Variants in SBNO2 observed in about 807,000 individuals in gnomAD.
SBNO2 encodes strawberry notch homolog 2, also known as protein strawberry notch homolog 2.
SBNO2 carries 89 observed loss-of-function variants against 146.3 expected under a neutral mutation model. The ratio of observed to expected loss-of-function variants is 0.61; its 90% confidence interval spans 0.51 to 0.73. The LOEUF is 0.73. Ranked by LOEUF, SBNO2 falls within the 30% of genes least tolerant of loss-of-function variation. SBNO2 has a pLI of 0.00. For missense variants in SBNO2, 2,092 were observed against 2,003.7 expected (o/e 1.04, Z -0.84); for synonymous variants, 1,147 against 892.6 (o/e 1.29, Z -5.08).
intron 2 of SBNO2, among the ~76,000 whole-genome samples, chr19:1,152,464 T>G (rs1390143645): frequency 6.6e-6 from 1 of 152,042 alleles, no homozygotes; most frequent in Non-Finnish European, 1.5e-5. Flanking sequence ...ATGGAGCTGT[T>G]CCGGTGGGGA....
rs1395161039 is a variant in SBNO2 at position 1,117,194 on chromosome 19, C to T, written c.1704+129G>A. On this transcript the variant is annotated intron_variant, in intron 15 of 31. Coordinates refer to ENST00000361757, the MANE Select transcript of SBNO2 (RefSeq NM_014963.3). ...TCTGATTGGAAGACGGACATCCGGGCGTCTCTCACCCACCAGGGTGCAGCC... is the reference window on the plus strand; with the variant it reads ...TCTGATTGGAAGACGGACATCCGGGTGTCTCTCACCCACCAGGGTGCAGCC... The T allele has an allele frequency of 6.3e-6, 6 of 953,884 alleles. No homozygotes were observed. In the East Asian group the frequency reaches 1.1e-4, roughly 17 times the overall value. The allele number at this position is 953,884 out of a possible 1,614,324, so 59.1% of individuals were successfully genotyped here.
chr19:1,169,366 C>T (rs1407606461), intron 1 of SBNO2, among the ~76,000 whole-genome samples: 16 of 152,240 alleles, frequency 1.1e-4, no homozygotes, highest in Admixed American at 7.8e-4. Context: ...TGGGACTGAG[C>T]TTCAGGGCCA....
Position 1,110,726 on chromosome 19 carries a change from C to A in SBNO2, c.3028+19G>T. On this transcript the variant is annotated intron_variant, in intron 26 of 31. Transcript: ENST00000361757. The surrounding 1 kb of genome is among the most constrained non-coding windows in gnomAD (Gnocchi z 4.9). ...CGCACCCACACCCACCCACACCACA[C>A]CCCGGCACCTGTGCTCACCCAGGAT... 6.2e-7 allele frequency: 1 copy of A among 1,612,860 alleles called. No homozygotes were observed. Among genetic ancestry groups the A allele is most frequent in the Non-Finnish European group, 8.5e-7 (1 of 1,179,364 alleles).
Position 1,112,499 on chromosome 19 carries a change from G to A in SBNO2, c.2418C>T (p.Val806=). The change falls in exon 21 of 32, where the codon GTC becomes GTT. Residue 806 remains valine, a synonymous_variant. Coordinates refer to ENST00000361757, the MANE Select transcript of SBNO2 (RefSeq NM_014963.3). This position sits in a 1 kb window ranked among gnomAD's most constrained non-coding sequence, Gnocchi z 5.9. Reference sequence around the variant, plus strand: ...GGACACGGCGGTCGGCTTGGAGGGAGACACCCGAGCTGGAGGCCTCCGAGA... The same window carrying A: ...GGACACGGCGGTCGGCTTGGAGGGAAACACCCGAGCTGGAGGCCTCCGAGA... ...AIISEASSSG[V]SLQADRRVQN... is the part of the protein sequence containing the mutation. The A allele has an allele frequency of 4.4e-6, 7 of 1,605,912 alleles. No homozygotes were observed. The highest frequency in any genetic ancestry group is 2.7e-5 in the African/African-American group (2 of 74,954).
chr19:1,147,481 ACACCTG>A lies in SBNO2; in HGVS notation c.168-67_168-62del, dbSNP rs1432395119. 3.2e-5 allele frequency: 30 copies of A among 948,574 alleles called. No homozygotes were observed. In the African/African-American group the frequency reaches 5.2e-4, roughly 17 times the overall value. 58.8% of individuals were successfully genotyped at this position (948,574 alleles called of 1,614,324 possible). A position where few individuals can be genotyped will look rare whatever the true frequency, so the allele number is the denominator to read the frequency against. Reference sequence around the variant, plus strand: ...GTGCTCAACCCACTCCCTCAGTAACACACCTGCACCCCCATGGCCGCAGCCAGAGGC... The same window carrying A: ...GTGCTCAACCCACTCCCTCAGTAACACACCCCCATGGCCGCAGCCAGAGGC... On this transcript the variant is annotated intron_variant, in intron 3 of 31. Transcript: ENST00000361757.
intron 4 of SBNO2, chr19:1,132,023 G>A: frequency 7.7e-7 from 1 of 1,291,494 alleles, no homozygotes; most frequent in Non-Finnish European, 1.0e-6. Flanking sequence ...CGGCCGTCCT[G>A]AATGGGGTCC....
intron 1 of SBNO2, 49 bp from the exon 2 acceptor site, chr19:1,154,451 T>C (rs1435929171): frequency 2.6e-6 from 1 of 389,192 alleles, no homozygotes; most frequent in African/African-American, 2.1e-5. Flanking sequence ...TGGTGGAGAG[T>C]GGTGCTCCCC....
At chr19:1,119,331 G>C (rs115384821) in intron 13 of SBNO2, among the ~76,000 whole-genome samples, 167 bp from the exon 14 acceptor site, 2,031 of 152,326 alleles carry the variant, frequency 0.013, 50 homozygotes, top group African/African-American at 0.045. Flanking sequence ...GGGCAGGAAG[G>C]GCTGCGGAGG....
In SBNO2 at chr19:1,158,798, C is replaced by T. The variant is rs963663021; in HGVS notation, c.-126-4396G>A. ...AGCAGGCCCCCGGGTGTCCCGGGAA[C>T]CCCGCACAGAGCCACGGCCATAAGA... On this transcript the variant is annotated intron_variant, in intron 1 of 31. Transcript: ENST00000361757. This position sits in a 1 kb window ranked among gnomAD's most constrained non-coding sequence, Gnocchi z 9.9. Among the ~76,000 whole-genome samples, 1 of 152,142 alleles carries T rather than the reference C, an allele frequency of 6.6e-6. No homozygotes were observed. The highest frequency in any genetic ancestry group is 1.5e-5 in the Non-Finnish European group (1 of 68,012).
intron 4 of SBNO2, among the ~76,000 whole-genome samples, chr19:1,142,315 T>A (rs1335560660): frequency 1.2e-5 from 1 of 86,776 alleles, no homozygotes. Context: ...CCCCAGGCCG[T>A]GAAGGCTCTC....
At chr19:1,119,823 G>T in intron 12 of SBNO2, 83 bp downstream of exon 12, 1 of 1,111,896 alleles carries the variant, frequency 9.0e-7, no homozygotes, top group South Asian at 1.3e-5. Flanking sequence ...GGCTGAGTAC[G>T]CGTGTGGGAT....
Position 1,112,080 on chromosome 19 carries a change from G to T in SBNO2, c.2629-13C>A. ...GGGTCAGGGCCCCCTGCCAGGGGTGGGGAGGCCATCAGTTGGTCACCTGGG... is the reference window on the plus strand; with the variant it reads ...GGGTCAGGGCCCCCTGCCAGGGGTGTGGAGGCCATCAGTTGGTCACCTGGG... On this transcript the variant is annotated splice_polypyrimidine_tract_variant and intron_variant, in intron 22 of 31. Coordinates refer to ENST00000361757, the MANE Select transcript of SBNO2 (RefSeq NM_014963.3). The surrounding 1 kb of genome is among the most constrained non-coding windows in gnomAD (Gnocchi z 5.9). The T allele has an allele frequency of 6.2e-7, 1 of 1,612,194 alleles. No individual in the cohort carries two copies.
chr19:1,119,141 A>G lies in SBNO2; in HGVS notation c.1397T>C (p.Val466Ala), dbSNP rs1339179338. Residue 466 changes from valine (V) to alanine (A), a missense_variant, in exon 14 of 32, where the codon GTG becomes GCG. Coordinates refer to ENST00000361757, the MANE Select transcript of SBNO2 (RefSeq NM_014963.3). ...EKRGVGAMEI[V>A]AMDMKVSGMY... Reference sequence around the variant, plus strand: ...GCCGCTGACCTTCATGTCCATGGCCACGATCTCCATGGCGCCAACGCCCCT... The same window carrying G: ...GCCGCTGACCTTCATGTCCATGGCCGCGATCTCCATGGCGCCAACGCCCCT... The G allele has an allele frequency of 6.2e-7, 1 of 1,602,690 alleles. No individual in the cohort carries two copies. Among genetic ancestry groups the G allele is most frequent in the African/African-American group, 1.3e-5 (1 of 74,718 alleles).
intron 4 of SBNO2, among the ~76,000 whole-genome samples, chr19:1,146,229 G>A (rs1169274061): frequency 1.3e-5 from 2 of 152,068 alleles, no homozygotes; most frequent in Non-Finnish European, 2.9e-5. Context: ...GACTCTACTG[G>A]GGAGGCGGAC....
chr19:1,108,004 CAG>C lies in SBNO2; in HGVS notation c.*214_*215del, dbSNP rs1237895205. 2 of 374,974 alleles carry C rather than the reference CAG, an allele frequency of 5.3e-6. No homozygotes were observed. The highest frequency in any genetic ancestry group is 7.9e-4 in the Middle Eastern group (1 of 1,272). 23.2% of individuals were successfully genotyped at this position (374,974 alleles called of 1,614,324 possible). ...CCCTTCCTACTTGGGAGGAGAGGCA[CAG>C]AGAGGGCCCTGCCACGCCCCGGCCC... On this transcript the variant is annotated 3_prime_UTR_variant, in exon 32 of 32. Transcript: ENST00000361757.
intron 4 of SBNO2, 51 bp from the exon 5 acceptor site, chr19:1,127,816 C>G: frequency 6.4e-7 from 1 of 1,572,096 alleles, no homozygotes; most frequent in Non-Finnish European, 8.7e-7. Context: ...ACACCAAGGC[C>G]CCTCCACGCA....
At chr19:1,172,357 A>G (rs900763081) in intron 1 of SBNO2, among the ~76,000 whole-genome samples, 1 of 152,200 alleles carries the variant, frequency 6.6e-6, no homozygotes, top group African/African-American at 2.4e-5. Context: ...GGTGGCCCGG[A>G]GCAGGCCACT....
Position 1,147,375 on chromosome 19 carries a change from T to C in SBNO2, c.213A>G (p.Pro71=), listed in dbSNP as rs1308933153. ...TGGCCACGGGGGCATAGCTGGTGTCTGGGCAGGGCTGGCTGCCGAGGAAGG... is the reference window on the plus strand; with the variant it reads ...TGGCCACGGGGGCATAGCTGGTGTCCGGGCAGGGCTGGCTGCCGAGGAAGG... ...SASFLGSQPC[P]DTSYAPVATA... is the part of the protein sequence containing the mutation. The change falls in exon 4 of 32, where the codon CCA becomes CCG. Residue 71 remains proline, a synonymous_variant. Transcript: ENST00000361757. The C allele has an allele frequency of 1.4e-5, 19 of 1,392,074 alleles. No individual in the cohort carries two copies. Among genetic ancestry groups the C allele is most frequent in the Non-Finnish European group, 1.7e-5 (18 of 1,069,068 alleles). 86.2% of individuals were successfully genotyped at this position (1,392,074 alleles called of 1,614,324 possible). A position where few individuals can be genotyped will look rare whatever the true frequency, so the allele number is the denominator to read the frequency against.
At position 1,109,571 on chromosome 19, in the gene SBNO2, C is replaced by A; in HGVS notation, c.3151G>T (p.Glu1051Ter). ...GCCAGCGACTTGGCAAAGGCGTCCT[C>A]CCACTTCAGGCCGCGGTCCACGCTG... ...KISVDRGLKW[E>*]DAFAKSLALT... The change falls in exon 28 of 32, where the codon GAG becomes TAG. Residue 1051 changes from glutamate to a stop codon, truncating the protein, a stop_gained. Coordinates refer to ENST00000361757, the MANE Select transcript of SBNO2 (RefSeq NM_014963.3). LOFTEE classifies it high-confidence loss of function. The surrounding 1 kb of genome is among the most constrained non-coding windows in gnomAD (Gnocchi z 4.2). 1 of 1,598,004 alleles carries A rather than the reference C, an allele frequency of 6.3e-7. No homozygotes were observed. The highest frequency in any genetic ancestry group is 2.3e-5 in the East Asian group (1 of 44,192).
Sources: gnomAD v4.1 joint callset for allele counts (sites outside exome capture counted in the v4.1 genomes callset) on GRCh38, gnomAD v4.1.1 for gene constraint, Gnocchi (gnomAD v3.1) non-coding constraint, MANE v1.5 for transcripts, NCBI Gene and HGNC (gene_info 2026-07-23, HGNC 2026-07-21) for gene names.